DNAH7: variants seen among roughly 807,000 people sequenced by gnomAD.
The protein encoded by DNAH7 is axonemal beta dynein heavy chain 7.
A neutral mutation model predicts 444.6 loss-of-function variants in DNAH7; 397 were observed. The ratio of observed to expected loss-of-function variants is 0.89; its 90% CI spans 0.82 to 0.97. The LOEUF (loss-of-function observed/expected upper bound fraction) is 0.97, where lower values mean the gene tolerates loss of function less well. Among genes scored for constraint, DNAH7 ranks in the 50% least tolerant of loss-of-function variants. DNAH7 has a pLI of 0.00. For synonymous variants in DNAH7, 1,636 were observed against 1,624.4 expected (o/e 1.01, Z -0.17); for missense variants, 4,902 against 4,800.8 (o/e 1.02, Z -0.62).
At chr2:195,872,769 TTA>T (rs1700797077) in intron 39 of DNAH7, among the ~76,000 whole-genome samples, 1 of 152,130 alleles carries the variant, frequency 6.6e-6, no homozygotes, top group Admixed American at 6.5e-5. Context: ...GGAACCCAGA[TTA>T]TGTAATCCCA....
At chr2:196,048,597 A>G (rs1697275449) in intron 3 of DNAH7, among the ~76,000 whole-genome samples, 193 bp from the exon 4 acceptor site, 1 of 152,182 alleles carries the variant, frequency 6.6e-6, no homozygotes, top group African/African-American at 2.4e-5. Flanking sequence ...GACATTAACA[A>G]AAGTCCTGCT....
At chr2:196,062,262 G>A (rs1266787581) in intron 1 of DNAH7, among the ~76,000 whole-genome samples, 1 of 151,824 alleles carries the variant, frequency 6.6e-6, no homozygotes, top group African/African-American at 2.4e-5. Context: ...CTTCCTCCTT[G>A]CCCAATTTAG....
At chr2:195,880,140 T>C (rs1444030552) in intron 36 of DNAH7, among the ~76,000 whole-genome samples, 2 of 152,098 alleles carry the variant, frequency 1.3e-5, no homozygotes, top group South Asian at 2.1e-4. Context: ...TCTTAATTAA[T>C]TGGGGCAATG....
Position 195,923,616 on chromosome 2 carries a change from A to T in DNAH7, c.3804T>A (p.Ser1268Arg). The T allele has an allele frequency of 6.2e-7, 1 of 1,614,120 alleles. No homozygotes were observed. The highest frequency in any genetic ancestry group is 8.5e-7 in the Non-Finnish European group (1 of 1,179,998). The stretch of plus-strand genomic sequence containing the variant: ...TTACTTGCCAGTAGTACCTAAGCTG[A>T]CTTAACCATTCAAAGTCAGAGTCAT... Reference protein sequence around the residue: ...ISDDSDFEWLSQLRYYWQENH... With the variant: ...ISDDSDFEWLRQLRYYWQENH... The change falls in exon 23 of 65, where the codon AGT becomes AGA. Residue 1268 changes from serine (S) to arginine (R), a missense_variant. Physicochemically the swap from Ser to Arg is moderately radical, Grantham distance 110 (BLOSUM62 -1). Transcript: ENST00000312428.
rs148007205 is a variant in DNAH7, at chr2:195,770,218, T to G, written c.11433+1442A>C. ...ATTTCTCAATCATATCATTGGTCTC[T>G]GTCTGTACTGCTGTTTCCCCATAAT... On this transcript the variant is annotated intron_variant, in intron 61 of 64. Transcript: ENST00000312428. 9.8e-3 allele frequency among the ~76,000 whole-genome samples: 1,498 copies of G among 152,336 alleles called. 33 individuals are homozygous for G. Among genetic ancestry groups the G allele is most frequent in the African/African-American group, 0.034 (1,398 of 41,572 alleles).
intron 21 of DNAH7, among the ~76,000 whole-genome samples, chr2:195,933,503 T>C (rs1688839473): frequency 6.6e-6 from 1 of 152,168 alleles, no homozygotes; most frequent in Non-Finnish European, 1.5e-5. Context: ...CCAACCCAAA[T>C]GTCCATCAGT....
Position 195,957,261 on chromosome 2 carries a change from C to G in DNAH7, c.3078G>C (p.Gln1026His). 1 of 1,508,314 alleles carries G rather than the reference C, an allele frequency of 6.6e-7. No individual in the cohort carries two copies. The highest frequency in any genetic ancestry group is 1.3e-5 in the South Asian group (1 of 76,664). The allele number at this position is 1,508,314 out of a possible 1,614,324, so 93.4% of individuals were successfully genotyped here. Residue 1026 changes from glutamine (Q) to histidine (H), a missense_variant and splice_region_variant, in exon 19 of 65, where the codon CAG (glutamine) becomes CAC (histidine). By Grantham distance (24) the Gln-to-His change is conservative (BLOSUM62 0). Coordinates refer to ENST00000312428, the MANE Select transcript of DNAH7 (RefSeq NM_018897.3). ...CATTTTTGGAGATTTTTTCACCTAC[C>G]TGCATGACACTTCTCATTATATCTC... ...TWRDIMRSVM[Q>H]DKHVLTVVTI...
At chr2:196,014,794 T>C (rs1694915906) in intron 9 of DNAH7, among the ~76,000 whole-genome samples, 2 of 152,198 alleles carry the variant, frequency 1.3e-5, no homozygotes, top group Admixed American at 1.3e-4. Context: ...TTTGCCGTCC[T>C]CCTTTTTTTG....
At chr2:195,832,350 A>ATT (rs765943426) in intron 48 of DNAH7, among the ~76,000 whole-genome samples, 2 of 152,154 alleles carry the variant, frequency 1.3e-5, no homozygotes, top group Non-Finnish European at 2.9e-5. Flanking sequence ...ATTGTCTTTT[A>ATT]CTATGTCAAG....
chr2:195,957,874 TAG>T (rs1690799159), intron 18 of DNAH7, among the ~76,000 whole-genome samples: 1 of 152,186 alleles, frequency 6.6e-6, no homozygotes, highest in Non-Finnish European at 1.5e-5. Context: ...GTTCCATGGC[TAG>T]AGAGTACAAA....
intron 64 of DNAH7, among the ~76,000 whole-genome samples, chr2:195,740,490 A>T (rs1692933101): frequency 1.3e-5 from 2 of 151,980 alleles, no homozygotes; most frequent in Admixed American, 1.3e-4. Context: ...CCCTGTATTT[A>T]TTTCCCCAGG....
intron 15 of DNAH7, among the ~76,000 whole-genome samples, chr2:195,979,695 C>A (rs1012036271): frequency 3.3e-5 from 5 of 150,930 alleles, no homozygotes; most frequent in Non-Finnish European, 7.4e-5. Flanking sequence ...TTATGAAAAG[C>A]TAAACAACAT....
chr2:195,888,457 C>G, intron 32 of DNAH7, 23 bp from the exon 33 acceptor site: 2 of 1,570,396 alleles, frequency 1.3e-6, no homozygotes, highest in Non-Finnish European at 1.7e-6. Context: ...AATTGGTTAC[C>G]ATCAAGGTAA....
intron 21 of DNAH7, 94 bp from the exon 22 acceptor site, chr2:195,926,660 A>AT: frequency 1.8e-6 from 2 of 1,103,410 alleles, no homozygotes; most frequent in Non-Finnish European, 2.5e-6. Context: ...ATACTGCTCA[A>AT]TTTTTTACAA....
At position 196,001,703 on chromosome 2, in the gene DNAH7, T is replaced by C; in HGVS notation, c.1145A>G (p.Asp382Gly). The C allele has an allele frequency of 6.3e-7, 1 of 1,586,366 alleles. No individual in the cohort carries two copies. Among genetic ancestry groups the C allele is most frequent in the Admixed American group, 1.8e-5 (1 of 55,728 alleles). The change falls in exon 11 of 65, where the codon GAT becomes GGT. Residue 382 changes from aspartate (D) to glycine (G), a missense_variant. Asp to Gly is a moderately conservative substitution (Grantham distance 94). Transcript: ENST00000312428. ...GGGTTGTGCAATTAAGTCCGTGAAA[T>C]CTTGCATGGAGACTAAAGTGAGGTC... ...LQDLTLVSMQ[D>G]FTDLIAQPPD...
intron 30 of DNAH7, chr2:195,892,464 C>A (rs1702066478): frequency 6.7e-6 from 1 of 149,710 alleles, no homozygotes; most frequent in African/African-American, 2.5e-5. Flanking sequence ...ATATTAATGC[C>A]CTTTGGACAT....
Position 195,895,212 on chromosome 2 carries a change from C to A in DNAH7, c.4660G>T (p.Asp1554Tyr), listed in dbSNP as rs1327421475. 6.2e-7 allele frequency: 1 copy of A among 1,605,048 alleles called. No homozygotes were observed. Among genetic ancestry groups the A allele is most frequent in the Non-Finnish European group, 8.5e-7 (1 of 1,173,416 alleles). The change falls in exon 30 of 65, where the codon GAT becomes TAT. Residue 1554 changes from aspartate to tyrosine, a missense_variant. Asp to Tyr is a radical substitution (Grantham distance 160). Coordinates refer to ENST00000312428, the MANE Select transcript of DNAH7 (RefSeq NM_018897.3). ...GGTAATTTTACCCCAGGAAACAAATCCGAAGTAATTCCCTGATGATAGATG... is the reference window on the plus strand; with the variant it reads ...GGTAATTTTACCCCAGGAAACAAATACGAAGTAATTCCCTGATGATAGATG... ...DLPLFEGITSDLFPGVKLPKP... is the reference protein window; with the variant it reads ...DLPLFEGITSYLFPGVKLPKP...
At chr2:195,874,540 G>A (rs1161883292) in intron 38 of DNAH7, among the ~76,000 whole-genome samples, 1 of 151,982 alleles carries the variant, frequency 6.6e-6, no homozygotes, top group Non-Finnish European at 1.5e-5. Context: ...GCTTGGGGTG[G>A]TGGGGGAGAG....
At chr2:195,962,896 T>C (rs4850648) in intron 17 of DNAH7, among the ~76,000 whole-genome samples, 151,571 of 152,328 alleles carry the variant, frequency 1, 75,408 homozygotes, top group Middle Eastern at 1. Context: ...GGCTTATTCA[T>C]TTAATATAAT....
Sources: allele counts gnomAD v4.1 joint callset (sites outside exome capture counted in the v4.1 genomes callset), GRCh38; gene constraint gnomAD v4.1.1; transcripts MANE v1.5; gene names NCBI Gene and HGNC (gene_info 2026-07-23, HGNC 2026-07-21).